Variants in NECAB2 observed in about 807,000 individuals in gnomAD.
NECAB2 encodes the protein N-terminal EF-hand calcium-binding protein 2.
Under a neutral mutation model 51.9 loss-of-function variants are expected in NECAB2, and 68 were observed. That is an observed-to-expected ratio of 1.31 (90% CI 1.08 to 1.60). The LOEUF (loss-of-function observed/expected upper bound fraction) is 1.60, where lower values mean the gene tolerates loss of function less well. Among genes scored for constraint, NECAB2 ranks in the 40% most tolerant of loss-of-function variants. The probability of loss-of-function intolerance (pLI) is 0.00; values close to 1 mark genes in which losing one functional copy is unlikely to be tolerated. For missense variants in NECAB2, 854 were observed against 490.3 expected, an observed-to-expected ratio of 1.74 and a Z score of -7.00; for synonymous variants, 329 against 203.5, an observed-to-expected ratio of 1.62 and a Z score of -5.25.
chr16:84,002,306 C>G lies in NECAB2; in HGVS notation c.1133-12C>G, dbSNP rs1489463207. The stretch of plus-strand genomic sequence containing the variant: ...CGCACTCCTTCCCTCTAACGTGTCT[C>G]TCTCCTTTTAGCTGCTTGGTGCACG... On this transcript the variant is annotated splice_polypyrimidine_tract_variant and intron_variant, in intron 12 of 12. Coordinates refer to ENST00000305202, the MANE Select transcript of NECAB2 (RefSeq NM_019065.3). The G allele has an allele frequency of 1.2e-6, 2 of 1,613,770 alleles. No individual in the cohort carries two copies. The highest frequency in any genetic ancestry group is 1.3e-5 in the African/African-American group (1 of 74,920).
At chr16:83,999,731 T>G (rs2084783507) in intron 10 of NECAB2, among the ~76,000 whole-genome samples, 1 of 152,092 alleles carries the variant, frequency 6.6e-6, no homozygotes. Context: ...GGGACTTGCC[T>G]GCAGCCCCTT....
intron 10 of NECAB2, among the ~76,000 whole-genome samples, chr16:83,999,884 T>TGC (rs1567680382): frequency 0.014 from 2,076 of 147,918 alleles, 42 homozygotes; most frequent in African/African-American, 0.051. Flanking sequence ...GTTTTTTGAT[T>TGC]TTTAAAGGTT....
chr16:83,976,046 T>C (rs1035023738), intron 2 of NECAB2, among the ~76,000 whole-genome samples: 1 of 152,034 alleles, frequency 6.6e-6, no homozygotes, highest in African/African-American at 2.4e-5. Context: ...ACCTTGCTGG[T>C]CTCTGGCTGC....
At chr16:83,970,203 G>T (rs775607007) in intron 1 of NECAB2, among the ~76,000 whole-genome samples, 1 of 151,994 alleles carries the variant, frequency 6.6e-6, no homozygotes, top group South Asian at 2.1e-4. Context: ...AGTGATGAGC[G>T]GGGGGTGGGG....
intron 9 of NECAB2, 132 bp from the exon 10 acceptor site, chr16:83,998,073 A>C (rs1008023693): frequency 2.6e-5 from 20 of 771,866 alleles, no homozygotes; most frequent in Non-Finnish European, 3.6e-5. Context: ...TTATCCATTC[A>C]TGGGTAAGAA....
At chr16:83,999,707 C>T (rs890558423) in intron 10 of NECAB2, among the ~76,000 whole-genome samples, 3 of 152,016 alleles carry the variant, frequency 2.0e-5, no homozygotes, top group Admixed American at 1.3e-4. Flanking sequence ...CCCCTGGGTC[C>T]CATAGAGCAA....
At chr16:83,994,794 A>T (rs1239575054) in intron 8 of NECAB2, 106 bp downstream of exon 8, 9 of 1,297,746 alleles carry the variant, frequency 6.9e-6, no homozygotes. Flanking sequence ...GGGGCCAGGG[A>T]ACCATGAAAA....
At chr16:83,987,205 AAG>A (rs1396543642) in intron 5 of NECAB2, among the ~76,000 whole-genome samples, 1 of 152,138 alleles carries the variant, frequency 6.6e-6, no homozygotes, top group East Asian at 1.9e-4. Flanking sequence ...CAAGAAACCC[AAG>A]AGTCATTTTT....
chr16:84,001,799 G>C (rs753232586), intron 11 of NECAB2, 26 bp from the exon 12 acceptor site: 5 of 1,613,110 alleles, frequency 3.1e-6, no homozygotes, highest in Non-Finnish European at 4.2e-6. Flanking sequence ...TGCCACCCCT[G>C]ACTCACACAT....
At chr16:84,000,837 C>G (rs558060723) in intron 11 of NECAB2, 36 bp downstream of exon 11, 4 of 1,398,156 alleles carry the variant, frequency 2.9e-6, no homozygotes, top group South Asian at 1.2e-5. Context: ...GTGAGGGAGA[C>G]AGAGGGAAGT....
chr16:83,966,023 G>A (rs201021116), upstream of NECAB2: 26 of 1,502,438 alleles, frequency 1.7e-5, no homozygotes, highest in African/African-American at 9.7e-5. Flanking sequence ...GGCCAGACCC[G>A]CTGGCTCCCA....
At chr16:83,977,772 T>A (rs2084432240) in intron 2 of NECAB2, among the ~76,000 whole-genome samples, 1 of 152,238 alleles carries the variant, frequency 6.6e-6, no homozygotes, top group Admixed American at 6.5e-5. Context: ...CATCTCATGC[T>A]GCCTCAGGGA....
rs149078072 is a variant in NECAB2 at position 84,000,919 on chromosome 16, C to G, written c.1040+118C>G. 72 of 979,662 alleles carry G rather than the reference C, an allele frequency of 7.3e-5. No individual in the cohort carries two copies. In the East Asian group the frequency reaches 1.2e-3, roughly 16 times the overall value. 60.7% of individuals were successfully genotyped at this position (979,662 alleles called of 1,614,324 possible). On this transcript the variant is annotated intron_variant, in intron 11 of 12. Transcript: ENST00000305202. Reference sequence around the variant, plus strand: ...AGGCCGAGTCCAGTCAGCAGATTCCCGAGGCATCTACCCGCTGGCATGCTT... The same window carrying G: ...AGGCCGAGTCCAGTCAGCAGATTCCGGAGGCATCTACCCGCTGGCATGCTT...
At chr16:83,971,805 C>G (rs1369723228) in intron 1 of NECAB2, 1 of 458,176 alleles carries the variant, frequency 2.2e-6, no homozygotes, top group Non-Finnish European at 3.9e-6. Context: ...TGGTTGTGTG[C>G]AGCTGAGCGT....
intron 5 of NECAB2, among the ~76,000 whole-genome samples, chr16:83,989,365 C>G (rs1161262160): frequency 6.6e-6 from 1 of 152,236 alleles, no homozygotes; most frequent in Non-Finnish European, 1.5e-5. Context: ...CACGCCTTAG[C>G]TGTCTTCTCA....
At chr16:83,978,051 G>C (rs1301689445) in intron 2 of NECAB2, among the ~76,000 whole-genome samples, 1 of 152,192 alleles carries the variant, frequency 6.6e-6, no homozygotes, top group Non-Finnish European at 1.5e-5. Context: ...TAAATTGAGA[G>C]AAAATTCACT....
intron 3 of NECAB2, among the ~76,000 whole-genome samples, chr16:83,979,517 A>C (rs949667711): frequency 7.2e-5 from 11 of 152,132 alleles, no homozygotes; most frequent in African/African-American, 2.7e-4. Context: ...ACTTTAAAGA[A>C]ATGGCTTCAG....
intron 5 of NECAB2, among the ~76,000 whole-genome samples, chr16:83,986,496 A>C (rs1252489337): frequency 6.6e-6 from 1 of 152,164 alleles, no homozygotes; most frequent in Non-Finnish European, 1.5e-5. Context: ...GGAGAGTGCC[A>C]GACAAACTTC....
intron 9 of NECAB2, 59 bp downstream of exon 9, chr16:83,997,328 A>C: frequency 1.2e-6 from 2 of 1,608,110 alleles, no homozygotes; most frequent in Non-Finnish European, 1.7e-6. Flanking sequence ...CAGGACTGCC[A>C]AGATCCAAGT....
Sources: allele counts gnomAD v4.1 joint callset (sites outside exome capture counted in the v4.1 genomes callset), GRCh38; gene constraint gnomAD v4.1.1; transcripts MANE v1.5; gene names NCBI Gene and HGNC (gene_info 2026-07-23, HGNC 2026-07-21).